The following TBC1D14 variants were observed in gnomAD, a reference collection of about 807,000 sequenced individuals.
TBC1D14 encodes the protein TBC1 domain family, member 14.
In TBC1D14, 26 loss-of-function variants were observed where a neutral mutation model predicts 79.0. That is an observed-to-expected ratio of 0.33 (90% confidence interval 0.24 to 0.46). TBC1D14 has a LOEUF of 0.46. TBC1D14 is among the 20% of genes least tolerant of loss of function. The probability of loss-of-function intolerance (pLI) is 1.00; values close to 1 mark genes in which losing one functional copy is unlikely to be tolerated. For missense variants in TBC1D14, 769 were observed against 887.6 expected, an observed-to-expected ratio of 0.87 and a Z score of 1.70; for synonymous variants, 394 against 349.9, an observed-to-expected ratio of 1.13 and a Z score of -1.40.
chr4:7,028,433 G>T (rs4689577), intron 13 of TBC1D14, among the ~76,000 whole-genome samples: 131,157 of 148,026 alleles, frequency 0.89, 58,313 homozygotes, highest in East Asian at 0.98. Context: ...TTTTTTGTTT[G>T]TTTTTTTTTT....
intron 2 of TBC1D14, among the ~76,000 whole-genome samples, chr4:6,937,933 G>A (rs755957185): frequency 2.0e-5 from 3 of 152,068 alleles, no homozygotes; most frequent in Non-Finnish European, 4.4e-5. Context: ...CACGTCTGAC[G>A]TAGGCTCCCC....
chr4:6,993,925 G>T (rs530181786), intron 3 of TBC1D14, among the ~76,000 whole-genome samples: 1 of 152,134 alleles, frequency 6.6e-6, no homozygotes, highest in Non-Finnish European at 1.5e-5. Flanking sequence ...CAGGAGAATC[G>T]CTTGAACCGA....
At chr4:6,932,991 A>C (rs902983553) in intron 2 of TBC1D14, among the ~76,000 whole-genome samples, 3 of 151,988 alleles carry the variant, frequency 2.0e-5, no homozygotes, top group Admixed American at 6.6e-5. Flanking sequence ...AGGCTCACTG[A>C]GGCTGTTGGC....
At chr4:6,996,605 G>A (rs1185109988) in intron 5 of TBC1D14, among the ~76,000 whole-genome samples, 198 bp downstream of exon 5, 1 of 152,176 alleles carries the variant, frequency 6.6e-6, no homozygotes, top group Non-Finnish European at 1.5e-5. Flanking sequence ...GGCGTGGGCG[G>A]ACTGCAGGGA....
intron 6 of TBC1D14, among the ~76,000 whole-genome samples, chr4:7,000,570 G>A (rs764535728): frequency 3.3e-5 from 5 of 152,252 alleles, no homozygotes; most frequent in Non-Finnish European, 5.9e-5. Context: ...TGTTGGCAGT[G>A]TGTGTTCCGT....
At chr4:6,996,533 A>AG in intron 5 of TBC1D14, 126 bp downstream of exon 5, 3 of 694,796 alleles carry the variant, frequency 4.3e-6, no homozygotes, top group South Asian at 2.0e-5. Context: ...GTAGTCTTCC[A>AG]GTAAAAAAAA....
At chr4:7,003,871 G>C (rs1365714276) in intron 7 of TBC1D14, among the ~76,000 whole-genome samples, 1 of 152,146 alleles carries the variant, frequency 6.6e-6, no homozygotes, top group East Asian at 1.9e-4. Flanking sequence ...AGGTGCGGTG[G>C]CGTGCACCTG....
At chr4:6,958,925 C>T (rs1252934004) in intron 2 of TBC1D14, among the ~76,000 whole-genome samples, 1 of 151,946 alleles carries the variant, frequency 6.6e-6, no homozygotes, top group Admixed American at 6.6e-5. Context: ...GCTCTGTCGC[C>T]CAGGCTGGAG....
intron 2 of TBC1D14, among the ~76,000 whole-genome samples, chr4:6,936,738 C>A (rs1482103439): frequency 6.6e-6 from 1 of 152,164 alleles, no homozygotes. Flanking sequence ...CATTTGACTC[C>A]CCCTAGCAAT....
At chr4:7,016,064 C>G (rs982621891) in intron 12 of TBC1D14, among the ~76,000 whole-genome samples, 6 of 152,190 alleles carry the variant, frequency 3.9e-5, no homozygotes, top group Non-Finnish European at 7.3e-5. Context: ...AGGAAGCTGA[C>G]CCTTAGCTAA....
chr4:6,955,974 C>T (rs1401446270), intron 2 of TBC1D14, among the ~76,000 whole-genome samples: 1 of 152,116 alleles, frequency 6.6e-6, no homozygotes, highest in Non-Finnish European at 1.5e-5. Context: ...CTCATGTAAT[C>T]TTTATAAAAA....
intron 11 of TBC1D14, 76 bp downstream of exon 11, chr4:7,010,857 G>A (rs922263637): frequency 8.7e-6 from 13 of 1,500,446 alleles, no homozygotes; most frequent in South Asian, 2.5e-5. Flanking sequence ...CTGTGTTTTC[G>A]GTGGAAAAAA....
At chr4:6,933,363 G>T (rs1711981408) in intron 2 of TBC1D14, among the ~76,000 whole-genome samples, 1 of 144,822 alleles carries the variant, frequency 6.9e-6, no homozygotes, top group Non-Finnish European at 1.5e-5. Flanking sequence ...GGATTTCACT[G>T]GTGCCATCAT....
At chr4:6,954,477 G>C in intron 2 of TBC1D14, 1 of 692,098 alleles carries the variant, frequency 1.4e-6, no homozygotes, top group Non-Finnish European at 2.7e-6. Context: ...GTCTCCCCCG[G>C]TGTGAAATGG....
chr4:6,948,359 T>C (rs924405338), intron 2 of TBC1D14, among the ~76,000 whole-genome samples: 2 of 152,212 alleles, frequency 1.3e-5, no homozygotes, highest in African/African-American at 4.8e-5. Context: ...TGCCCTCTCA[T>C]GTCTGGCTTT....
chr4:6,998,482 G>C (rs1168082968), intron 5 of TBC1D14, among the ~76,000 whole-genome samples: 1 of 152,036 alleles, frequency 6.6e-6, no homozygotes, highest in Non-Finnish European at 1.5e-5. Context: ...CGGTTGTTTT[G>C]ATCAGGATGG....
At chr4:6,943,556 C>T (rs747658515) in intron 2 of TBC1D14, among the ~76,000 whole-genome samples, 15 of 152,204 alleles carry the variant, frequency 9.9e-5, no homozygotes, top group Non-Finnish European at 1.9e-4. Flanking sequence ...CTGCACCTTG[C>T]CTGTTCTGCT....
chr4:6,943,777 G>C (rs1713149996), intron 2 of TBC1D14, among the ~76,000 whole-genome samples: 1 of 152,154 alleles, frequency 6.6e-6, no homozygotes, highest in Non-Finnish European at 1.5e-5. Flanking sequence ...GTCCTCCTGT[G>C]GTTTTCCGAG....
At chr4:6,924,609 G>A (rs528816357) in intron 2 of TBC1D14, among the ~76,000 whole-genome samples, 13 of 151,390 alleles carry the variant, frequency 8.6e-5, no homozygotes, top group Admixed American at 7.3e-4. Flanking sequence ...CCCTGCCTCT[G>A]CTGTGGAGGT....
Sources: gnomAD v4.1 joint callset for allele counts (sites outside exome capture counted in the v4.1 genomes callset) on GRCh38, gnomAD v4.1.1 for gene constraint, MANE v1.5 for transcripts, NCBI Gene and HGNC (gene_info 2026-07-23, HGNC 2026-07-21) for gene names.